The following TEX14 variants were observed in gnomAD, a reference collection of about 807,000 sequenced individuals.
TEX14 encodes the protein testis expressed 14, intercellular bridge forming factor.
In TEX14, 168 loss-of-function variants were observed where a neutral mutation model predicts 178.6. The ratio of observed to expected loss-of-function variants is 0.94; its 90% CI spans 0.83 to 1.07. The LOEUF (loss-of-function observed/expected upper bound fraction) is 1.07. Ranked by LOEUF, TEX14 falls within the 50% of genes least tolerant of loss-of-function variation. TEX14 has a pLI of 0.00. For synonymous variants in TEX14, 626 were observed against 634.1 expected (o/e 0.99, Z 0.19); for missense variants, 1,730 against 1,753.6 (o/e 0.99, Z 0.24).
At chr17:58,684,564 G>A (rs2047558916) in intron 1 of TEX14, among the ~76,000 whole-genome samples, 1 of 151,598 alleles carries the variant, frequency 6.6e-6, no homozygotes. Context: ...GAACCAGGGA[G>A]GCAGTGGTGG....
chr17:58,635,947 G>A (rs2046425750), intron 2 of TEX14, among the ~76,000 whole-genome samples: 1 of 152,052 alleles, frequency 6.6e-6, no homozygotes, highest in African/African-American at 2.4e-5. Flanking sequence ...GTTTCACCAT[G>A]TTGCCCAGGC....
In TEX14 at chr17:58,575,560, G is replaced by A. The variant is rs564015455; in HGVS notation, c.3321-1311C>T. On this transcript the variant is annotated intron_variant, in intron 21 of 31. Transcript: ENST00000349033. The stretch of plus-strand genomic sequence containing the variant: ...CTAAATAATACAACAGGACTTTTTG[G>A]CCCTCTTGATTTACATAAATGACCA... Among the ~76,000 whole-genome samples the A allele has an allele frequency of 5.9e-5, 9 of 152,142 alleles. No individual in the cohort carries two copies. The South Asian group carries it at 1.9e-3, about 32-fold the overall frequency.
At chr17:58,618,964 G>T (rs2045936448) in intron 5 of TEX14, among the ~76,000 whole-genome samples, 1 of 152,186 alleles carries the variant, frequency 6.6e-6, no homozygotes, top group Non-Finnish European at 1.5e-5. Context: ...TGAGTAAACA[G>T]ACCATAAGAA....
intron 26 of TEX14, among the ~76,000 whole-genome samples, chr17:58,568,576 A>C (rs1263760580): frequency 6.6e-6 from 1 of 152,220 alleles, no homozygotes; most frequent in East Asian, 1.9e-4. Flanking sequence ...TTTCCTAGGA[A>C]AACAGACCAC....
chr17:58,646,627 G>A (rs535473747), intron 2 of TEX14, among the ~76,000 whole-genome samples: 5 of 152,158 alleles, frequency 3.3e-5, no homozygotes, highest in South Asian at 2.1e-4. Flanking sequence ...CATGGCACCC[G>A]GCTTGGTCAA....
chr17:58,592,220 GT>G (rs1567723313), intron 15 of TEX14, among the ~76,000 whole-genome samples: 2 of 148,442 alleles, frequency 1.3e-5, no homozygotes, highest in Non-Finnish European at 3.0e-5. Flanking sequence ...ACTTAAGTTC[GT>G]TCTTTATTTA....
chr17:58,587,846 C>T (rs1317544635), intron 16 of TEX14, 50 bp downstream of exon 16: 2 of 1,288,828 alleles, frequency 1.6e-6, no homozygotes, highest in East Asian at 4.6e-5. Flanking sequence ...TGCCAGAACC[C>T]ACCCCCACCC....
At chr17:58,566,726 G>A (rs1231395604) in intron 26 of TEX14, among the ~76,000 whole-genome samples, 8 of 150,924 alleles carry the variant, frequency 5.3e-5, no homozygotes, top group Non-Finnish European at 1.2e-4. Flanking sequence ...TTGAACCCAG[G>A]AGGTGGAGGT....
intron 10 of TEX14, among the ~76,000 whole-genome samples, chr17:58,609,605 T>C (rs2045698434): frequency 6.6e-6 from 1 of 152,184 alleles, no homozygotes; most frequent in South Asian, 2.1e-4. Context: ...ATGCCTATCC[T>C]AAGAACACAG....
chr17:58,640,029 G>A (rs1403014990), intron 2 of TEX14, among the ~76,000 whole-genome samples: 1 of 152,082 alleles, frequency 6.6e-6, no homozygotes, highest in Non-Finnish European at 1.5e-5. Context: ...AATAGCTACT[G>A]GCCAATCACG....
chr17:58,633,427 TA>T (rs1430789852), intron 2 of TEX14, among the ~76,000 whole-genome samples: 1 of 152,156 alleles, frequency 6.6e-6, no homozygotes, highest in Non-Finnish European at 1.5e-5. Context: ...CTGCAGAAGA[TA>T]AAGGACATTA....
At chr17:58,677,933 C>T (rs1318608485) in intron 1 of TEX14, among the ~76,000 whole-genome samples, 7 of 152,284 alleles carry the variant, frequency 4.6e-5, no homozygotes, top group Admixed American at 6.5e-5. Flanking sequence ...AGGCAGATCA[C>T]GAGGTCAGGA....
rs1015502881 is a variant in TEX14, at chr17:58,565,792, C to T, written c.3919G>A (p.Val1307Met). 1.9e-6 allele frequency: 3 copies of T among 1,609,822 alleles called. No individual in the cohort carries two copies. Among genetic ancestry groups the T allele is most frequent in the African/African-American group, 2.7e-5 (2 of 74,896 alleles). ...TCACTTGCTGTGTTCTCATGCAACACCGTGGATGAGCCCTGCTGCTGTTTC... is the reference window on the plus strand; with the variant it reads ...TCACTTGCTGTGTTCTCATGCAACATCGTGGATGAGCCCTGCTGCTGTTTC... ...LLKQQQGSST[V>M]LHENTASDGG... is the part of the protein sequence containing the mutation. Residue 1307 changes from valine to methionine, a missense_variant, in exon 27 of 32, where the codon GTG (valine) becomes ATG (methionine). Val to Met is a conservative substitution (Grantham distance 21). Transcript: ENST00000349033.
At chr17:58,623,161 G>A (rs2046042386) in intron 3 of TEX14, 149 bp from the exon 4 acceptor site, 1 of 594,534 alleles carries the variant, frequency 1.7e-6, no homozygotes, top group Non-Finnish European at 2.9e-6. Flanking sequence ...GCCCCTGTCT[G>A]TGCCCACAGG....
At chr17:58,602,927 G>A (rs568848363) in intron 11 of TEX14, among the ~76,000 whole-genome samples, 3 of 151,780 alleles carry the variant, frequency 2.0e-5, no homozygotes, top group East Asian at 1.9e-4. Flanking sequence ...TTAGCCAGGC[G>A]TGGTGGCGCA....
At chr17:58,684,413 G>GATC (rs1362184333) in intron 1 of TEX14, among the ~76,000 whole-genome samples, 1 of 150,872 alleles carries the variant, frequency 6.6e-6, no homozygotes, top group Non-Finnish European at 1.5e-5. Flanking sequence ...AGTGAGCTGA[G>GATC]ATCACACCAT....
chr17:58,667,622 C>G (rs1229375572), intron 1 of TEX14, among the ~76,000 whole-genome samples: 2 of 152,140 alleles, frequency 1.3e-5, no homozygotes, highest in African/African-American at 4.8e-5. Context: ...CAGTGGCTCA[C>G]GCCTGTAATC....
In TEX14 at chr17:58,654,468, T is replaced by C. The variant is rs551504437; in HGVS notation, c.-1-2466A>G. 1.9e-4 allele frequency among the ~76,000 whole-genome samples: 29 copies of C among 149,786 alleles called. No individual in the cohort carries two copies. The South Asian group carries it at 6.1e-3, about 31-fold the overall frequency. On this transcript the variant is annotated intron_variant, in intron 1 of 31. Transcript: ENST00000349033. ...CCCGCTTATAGGCATGGACCTTGAA[T>C]GTATAGAAGCTTTGGAAAAAAAAAA... is the stretch of plus-strand genomic sequence containing the variant.
Position 58,574,249 on chromosome 17 carries a change from A to G in TEX14, c.3321T>C (p.Ser1107=), listed in dbSNP as rs1309654175. ...ATGTCTCTTCTTGTTCATCTTCAGTACTGTGAGAAAGAAAGTAAGAAAATT... is the reference window on the plus strand; with the variant it reads ...ATGTCTCTTCTTGTTCATCTTCAGTGCTGTGAGAAAGAAAGTAAGAAAATT... ...LPRSQFQPVR[S]TEDEQEETSK... The change falls in exon 22 of 32, where the codon AGT becomes AGC. Residue 1107 remains serine (S), a splice_region_variant and synonymous_variant. Transcript: ENST00000349033. 1 of 1,611,592 alleles carries G rather than the reference A, an allele frequency of 6.2e-7. No homozygotes were observed. The highest frequency in any genetic ancestry group is 2.2e-5 in the East Asian group (1 of 44,866).
Sources: gnomAD v4.1 joint callset for allele counts (sites outside exome capture counted in the v4.1 genomes callset) on GRCh38, gnomAD v4.1.1 for gene constraint, MANE v1.5 for transcripts, NCBI Gene and HGNC (gene_info 2026-07-23, HGNC 2026-07-21) for gene names.